RAP1GDS1: variants seen among roughly 807,000 people sequenced by gnomAD.
RAP1GDS1 encodes RAP1, GTP-GDP dissociation stimulator 1.
Under a neutral mutation model 71.1 loss-of-function variants are expected in RAP1GDS1, and 35 were observed. The ratio of observed to expected loss-of-function variants is 0.49; its 90% CI spans 0.38 to 0.65. RAP1GDS1 has a LOEUF of 0.65. RAP1GDS1 is among the 30% of genes least tolerant of loss of function. The pLI, the probability that RAP1GDS1 is intolerant of heterozygous loss-of-function variation, is 0.00. For synonymous variants in RAP1GDS1, 229 were observed against 243.1 expected (o/e 0.94, Z 0.54); for missense variants, 663 against 706.1 (o/e 0.94, Z 0.69).
At chr4:98,419,352 C>T (rs1235191979) in intron 10 of RAP1GDS1, among the ~76,000 whole-genome samples, 1 of 152,136 alleles carries the variant, frequency 6.6e-6, no homozygotes, top group Non-Finnish European at 1.5e-5. Context: ...CTGCACCAGG[C>T]CTTAGGCATC....
chr4:98,304,583 C>A (rs908233589), intron 2 of RAP1GDS1, among the ~76,000 whole-genome samples: 1 of 151,972 alleles, frequency 6.6e-6, no homozygotes, highest in Non-Finnish European at 1.5e-5. Flanking sequence ...CTTGTAAATT[C>A]TGGATATTAG....
At chr4:98,302,622 A>C (rs1385861396) in intron 2 of RAP1GDS1, among the ~76,000 whole-genome samples, 1 of 152,250 alleles carries the variant, frequency 6.6e-6, no homozygotes, top group Admixed American at 6.5e-5. Context: ...AGGGCCCACC[A>C]TATACTTGTG....
intron 12 of RAP1GDS1, among the ~76,000 whole-genome samples, chr4:98,427,327 C>T (rs1412300449): frequency 2.0e-5 from 3 of 152,124 alleles, no homozygotes; most frequent in Non-Finnish European, 4.4e-5. Context: ...TGCCCACTCT[C>T]ACCACTTCTG....
At chr4:98,271,810 A>G (rs995173628) in intron 1 of RAP1GDS1, among the ~76,000 whole-genome samples, 1 of 152,164 alleles carries the variant, frequency 6.6e-6, no homozygotes, top group African/African-American at 2.4e-5. Context: ...CCTTTCAACA[A>G]TTCTATGAAG....
intron 14 of RAP1GDS1, among the ~76,000 whole-genome samples, chr4:98,438,589 T>TATATATATATATATATATATA (rs1751472705): frequency 8.4e-6 from 1 of 119,178 alleles, no homozygotes; most frequent in Non-Finnish European, 1.6e-5. Context: ...TATATATATA[T>TATATATATATATATATATATA]CTTTTTTTTT....
rs77975894 is a variant in RAP1GDS1, at chr4:98,417,809, T to C, written c.1039+311T>C. ...TGCTTTCTTTTGCCTAGTGATTTTA[T>C]TTTGGATCTAATTATCTGAGTATTC... On this transcript the variant is annotated intron_variant, in intron 9 of 14. Coordinates refer to ENST00000408927, the MANE Select transcript of RAP1GDS1 (RefSeq NM_001100427.2). 2.5e-3 allele frequency among the ~76,000 whole-genome samples: 376 copies of C among 152,310 alleles called. 1 individual carries two copies. Among genetic ancestry groups the C allele is most frequent in the African/African-American group, 8.6e-3 (357 of 41,578 alleles).
intron 3 of RAP1GDS1, among the ~76,000 whole-genome samples, chr4:98,348,869 C>T (rs1054775500): frequency 2.6e-5 from 4 of 152,018 alleles, no homozygotes; most frequent in Admixed American, 1.3e-4. Flanking sequence ...GGATATTAGC[C>T]GTTTGTCAGA....
intron 1 of RAP1GDS1, among the ~76,000 whole-genome samples, chr4:98,288,105 T>A (rs1726312571): frequency 6.6e-6 from 1 of 152,264 alleles, no homozygotes; most frequent in Admixed American, 6.5e-5. Context: ...TATGTATACA[T>A]GTGCCATGTT....
intron 6 of RAP1GDS1, among the ~76,000 whole-genome samples, chr4:98,398,235 AAAG>A (rs1361519911): frequency 6.6e-6 from 1 of 152,056 alleles, no homozygotes; most frequent in African/African-American, 2.4e-5. Context: ...AGGAAAAAAA[AAAG>A]GAGATAGAAA....
intron 2 of RAP1GDS1, among the ~76,000 whole-genome samples, chr4:98,320,282 T>G (rs1731617601): frequency 6.6e-6 from 1 of 152,186 alleles, no homozygotes; most frequent in Non-Finnish European, 1.5e-5. Flanking sequence ...CTTACTCATT[T>G]TTATTGGTTG....
rs1727265303 is a variant in RAP1GDS1, at chr4:98,293,511, A to G, written c.108A>G (p.Gln36=). 1.8e-5 allele frequency: 29 copies of G among 1,601,330 alleles called. No homozygotes were observed. Among genetic ancestry groups the G allele is most frequent in the African/African-American group, 2.7e-5 (2 of 74,256 alleles). Residue 36 remains glutamine, a synonymous_variant, in exon 2 of 15, where the codon CAA becomes CAG. Coordinates refer to ENST00000408927, the MANE Select transcript of RAP1GDS1 (RefSeq NM_001100427.2). ...ATTGTCTGCTTCAAGCCCTGGCTCA[A>G]AATAGTAAGTTTCATTATGTTTACT... ...CLDCLLQALA[Q]NNTETSEKIQ...
rs183548734 is a variant in RAP1GDS1 at position 98,416,280 on chromosome 4, T to C, written c.764-465T>C. Among the ~76,000 whole-genome samples the C allele has an allele frequency of 5.4e-4, 82 of 151,526 alleles. No homozygotes were observed. The East Asian group carries it at 0.012, about 22-fold the overall frequency. ...ATTTAAATGAACTGTCAAGATAGTTTACTTTGAAGATTTGAGTTTCAAAAA... is the reference window on the plus strand; with the variant it reads ...ATTTAAATGAACTGTCAAGATAGTTCACTTTGAAGATTTGAGTTTCAAAAA... On this transcript the variant is annotated intron_variant, in intron 7 of 14. Transcript: ENST00000408927.
intron 12 of RAP1GDS1, among the ~76,000 whole-genome samples, chr4:98,433,430 G>C (rs907026635): frequency 2.0e-5 from 3 of 152,030 alleles, no homozygotes; most frequent in African/African-American, 7.2e-5. Flanking sequence ...GAGTAGCTGG[G>C]ACTGCAGATG....
chr4:98,338,094 A>G (rs976433368), intron 2 of RAP1GDS1, among the ~76,000 whole-genome samples: 2 of 152,172 alleles, frequency 1.3e-5, no homozygotes, highest in African/African-American at 4.8e-5. Flanking sequence ...TTGAAGTAAT[A>G]TGAATGTAGA....
intron 4 of RAP1GDS1, among the ~76,000 whole-genome samples, chr4:98,353,946 A>G (rs373026056): frequency 8.5e-5 from 13 of 152,112 alleles, no homozygotes; most frequent in East Asian, 3.8e-4. Context: ...ACCTCAGCTG[A>G]GTAATAGTCA....
At chr4:98,399,301 T>C (rs1301631762) in intron 6 of RAP1GDS1, among the ~76,000 whole-genome samples, 2 of 152,152 alleles carry the variant, frequency 1.3e-5, no homozygotes, top group Non-Finnish European at 2.9e-5. Flanking sequence ...AGAAAATATT[T>C]GCAAATTATT....
In RAP1GDS1 at chr4:98,293,513, A is replaced by G; in HGVS notation, c.110A>G (p.Asn37Ser). ...LDCLLQALAQ[N>S]NTETSEKIQA... ...TGTCTGCTTCAAGCCCTGGCTCAAA[A>G]TAGTAAGTTTCATTATGTTTACTCA... The change falls in exon 2 of 15, where the codon AAT (asparagine) becomes AGT (serine). Residue 37 changes from asparagine to serine, a missense_variant and splice_region_variant. Physicochemically the swap from Asn to Ser is conservative, Grantham distance 46 (BLOSUM62 1). Coordinates refer to ENST00000408927, the MANE Select transcript of RAP1GDS1 (RefSeq NM_001100427.2). 6.2e-7 allele frequency: 1 copy of G among 1,600,126 alleles called. No individual in the cohort carries two copies.
intron 5 of RAP1GDS1, 149 bp from the exon 6 acceptor site, chr4:98,391,803 A>G (rs966173847): frequency 2.3e-5 from 18 of 767,540 alleles, no homozygotes; most frequent in Admixed American, 7.0e-5. Flanking sequence ...GTTCAACACA[A>G]TCATATGAAT....
chr4:98,316,095 A>G (rs1316366278), intron 2 of RAP1GDS1, among the ~76,000 whole-genome samples: 1 of 152,190 alleles, frequency 6.6e-6, no homozygotes, highest in East Asian at 1.9e-4. Context: ...GGGAACAGGC[A>G]AAGTATATGG....
Sources: gnomAD v4.1 joint callset for allele counts (sites outside exome capture counted in the v4.1 genomes callset) on GRCh38, gnomAD v4.1.1 for gene constraint, MANE v1.5 for transcripts, NCBI Gene and HGNC (gene_info 2026-07-23, HGNC 2026-07-21) for gene names.